Variants in ULK2 observed in about 807,000 individuals in gnomAD.
ULK2 encodes the protein unc-51 like autophagy activating kinase 2.
Under a neutral mutation model 127.5 loss-of-function variants are expected in ULK2, and 76 were observed. That is an observed-to-expected ratio of 0.60 (90% CI 0.50 to 0.72). The LOEUF (loss-of-function observed/expected upper bound fraction) is 0.72, where lower values mean the gene tolerates loss of function less well. Ranked by LOEUF, ULK2 falls within the 30% of genes least tolerant of loss-of-function variation. ULK2 has a pLI of 0.00. For missense variants in ULK2, 1,144 were observed against 1,295.9 expected (o/e 0.88, Z 1.80); for synonymous variants, 452 against 461.9 (o/e 0.98, Z 0.28).
At chr17:19,840,541 T>C in intron 9 of ULK2, 2 of 358,068 alleles carry the variant, frequency 5.6e-6, no homozygotes, top group Non-Finnish European at 5.4e-6. Flanking sequence ...CTATATGTAC[T>C]CCTGCCTAAA....
At chr17:19,792,042 C>T (rs1241502699) in intron 20 of ULK2, among the ~76,000 whole-genome samples, 1 of 151,762 alleles carries the variant, frequency 6.6e-6, no homozygotes, top group Middle Eastern at 3.2e-3. Context: ...ATAATGGAAA[C>T]ACAACATACT....
At chr17:19,846,499 G>A (rs1287636132) in intron 6 of ULK2, among the ~76,000 whole-genome samples, 1 of 151,966 alleles carries the variant, frequency 6.6e-6, no homozygotes, top group East Asian at 1.9e-4. Context: ...ATTTAGCTGG[G>A]CGTAGTGGTG....
intron 12 of ULK2, among the ~76,000 whole-genome samples, chr17:19,823,146 A>G (rs1490009060): frequency 2.2e-4 from 2 of 9,236 alleles, no homozygotes; most frequent in African/African-American, 9.4e-4. Flanking sequence ...TTTTTTTTTT[A>G]GTAGAGATGG....
Position 19,826,174 on chromosome 17 carries a change from C to G in ULK2, c.800G>C (p.Ser267Thr). 1 of 1,472,850 alleles carries G rather than the reference C, an allele frequency of 6.8e-7. No individual in the cohort carries two copies. Among genetic ancestry groups the G allele is most frequent in the Non-Finnish European group, 9.1e-7 (1 of 1,101,766 alleles). The allele number at this position is 1,472,850 out of a possible 1,614,324, so 91.2% of individuals were successfully genotyped here. Reference protein sequence around the residue: ...KDRMDFEAFFSHPFLEQGPVK... With the variant: ...KDRMDFEAFFTHPFLEQGPVK... Reference sequence around the variant, plus strand: ...TGGACCTTGCTCAAGAAAAGGATGGCTAAAAAATGCTTCTGTAACAAGAAA... The same window carrying G: ...TGGACCTTGCTCAAGAAAAGGATGGGTAAAAAATGCTTCTGTAACAAGAAA... Residue 267 changes from serine to threonine, a missense_variant, in exon 11 of 27, where the codon AGC becomes ACC. Physicochemically the swap from Ser to Thr is moderately conservative, Grantham distance 58. Coordinates refer to ENST00000395544, the MANE Select transcript of ULK2 (RefSeq NM_014683.4).
chr17:19,839,521 C>T (rs112487462), intron 9 of ULK2, among the ~76,000 whole-genome samples: 1 of 151,312 alleles, frequency 6.6e-6, no homozygotes, highest in Non-Finnish European at 1.5e-5. Flanking sequence ...AAAAATTGGC[C>T]GGTGTGGTAG....
intron 12 of ULK2, among the ~76,000 whole-genome samples, chr17:19,817,394 TA>T (rs1426105749): frequency 3.3e-5 from 5 of 152,146 alleles, no homozygotes; most frequent in Non-Finnish European, 7.4e-5. Flanking sequence ...GAGACCACAT[TA>T]TGTAAAAAAA....
intron 15 of ULK2, among the ~76,000 whole-genome samples, chr17:19,804,207 A>AC (rs1031474580): frequency 4.1e-5 from 6 of 148,104 alleles, no homozygotes; most frequent in Non-Finnish European, 8.9e-5. Context: ...ATGTAGTGAG[A>AC]CCCCGTCTCT....
intron 19 of ULK2, 92 bp from the exon 20 acceptor site, chr17:19,795,817 A>T: frequency 8.5e-7 from 1 of 1,180,138 alleles, no homozygotes; most frequent in Non-Finnish European, 1.2e-6. Flanking sequence ...GGAAACAAGA[A>T]ATAGATACCA....
intron 13 of ULK2, among the ~76,000 whole-genome samples, chr17:19,815,359 C>T (rs572586911): frequency 6.6e-6 from 1 of 152,198 alleles, no homozygotes; most frequent in Non-Finnish European, 1.5e-5. Flanking sequence ...CTCCCAGGGA[C>T]CCCAGTGCTC....
chr17:19,814,432 AT>A (rs2040922314), intron 13 of ULK2, among the ~76,000 whole-genome samples: 2 of 15,386 alleles, frequency 1.3e-4, no homozygotes, highest in Non-Finnish European at 2.5e-4. Flanking sequence ...ATATATATAT[AT>A]ATATATTTTT....
intron 20 of ULK2, among the ~76,000 whole-genome samples, chr17:19,789,906 C>A (rs2087114043): frequency 7.2e-6 from 1 of 138,870 alleles, no homozygotes. Flanking sequence ...CTAAAAAAAG[C>A]TGCCAAAAAA....
chr17:19,854,501 G>A (rs1010482178), intron 3 of ULK2, among the ~76,000 whole-genome samples: 2 of 151,990 alleles, frequency 1.3e-5, no homozygotes, highest in Non-Finnish European at 2.9e-5. Context: ...AATTCCCTAA[G>A]TCCTAACTCT....
intron 9 of ULK2, among the ~76,000 whole-genome samples, chr17:19,840,750 G>T (rs1413539292): frequency 1.3e-5 from 2 of 151,196 alleles, no homozygotes; most frequent in Non-Finnish European, 2.9e-5. Context: ...TTAGAGGGGC[G>T]TGGTGGTGGG....
At chr17:19,841,638 G>T in intron 8 of ULK2, 91 bp from the exon 9 acceptor site, 1 of 975,006 alleles carries the variant, frequency 1.0e-6, no homozygotes, top group Non-Finnish European at 1.5e-6. Flanking sequence ...TTTTTTAAGG[G>T]ATTGAGGGAG....
In ULK2 at chr17:19,865,827, T is replaced by C. The variant is rs1369806926; in HGVS notation, c.92A>G (p.Lys31Arg). Residue 31 changes from lysine to arginine, a missense_variant and splice_region_variant, in exon 2 of 27, where the codon AAA becomes AGA. Lys to Arg is a conservative substitution (Grantham distance 26, BLOSUM62 2). Around this residue, in one of 2 missense-constraint regions of ULK2, gnomAD observed 231 missense variants for 325.4 expected, o/e 0.71. Coordinates refer to ENST00000395544, the MANE Select transcript of ULK2 (RefSeq NM_014683.4). ...TTTAATAGCTACCTCCCAATCAGTTTTCTGAAAAGGAAAAACAGTGTTACT... is the reference window on the plus strand; with the variant it reads ...TTTAATAGCTACCTCCCAATCAGTTCTCTGAAAAGGAAAAACAGTGTTACT... ...AVVFRGRHRQ[K>R]TDWEVAIKSI... 3 of 1,544,972 alleles carry C rather than the reference T, an allele frequency of 1.9e-6. No homozygotes were observed. The African/African-American group carries it at 4.1e-5, about 21-fold the overall frequency.
intron 1 of ULK2, among the ~76,000 whole-genome samples, chr17:19,866,223 C>T (rs953093269): frequency 1.3e-5 from 2 of 151,978 alleles, no homozygotes; most frequent in African/African-American, 2.4e-5. Flanking sequence ...GGCCGGGAGC[C>T]GTGGCTCACA....
rs1020417807 is a variant in ULK2, at chr17:19,845,512, A to G, written c.470-135T>C. ...AACAGCTTATTGAATTAGACTGTCC[A>G]CCAAAAAAAAAGTAGCTACCTTGAT... On this transcript the variant is annotated intron_variant, in intron 6 of 26. Coordinates refer to ENST00000395544, the MANE Select transcript of ULK2 (RefSeq NM_014683.4). 28 of 617,264 alleles carry G rather than the reference A, an allele frequency of 4.5e-5. No homozygotes were observed. The African/African-American group carries it at 4.7e-4, about 10-fold the overall frequency. 38.2% of individuals were successfully genotyped at this position (617,264 alleles called of 1,614,324 possible).
At chr17:19,847,100 T>C (rs1045966811) in intron 5 of ULK2, among the ~76,000 whole-genome samples, 190 bp from the exon 6 acceptor site, 1 of 152,198 alleles carries the variant, frequency 6.6e-6, no homozygotes, top group Non-Finnish European at 1.5e-5. Flanking sequence ...AAACCTGTAG[T>C]CAATCTGTTG....
chr17:19,834,678 G>A lies in ULK2; in HGVS notation c.787+3823C>T, dbSNP rs368996090. On this transcript the variant is annotated intron_variant, in intron 10 of 26. Transcript: ENST00000395544. ...TATAATTCCAGCACTCTGGGAGGCC[G>A]AGGCAGGATGTGCGCTTGAACCCAG... 4.6e-5 allele frequency among the ~76,000 whole-genome samples: 7 copies of A among 152,174 alleles called. No individual in the cohort carries two copies. In the South Asian group the frequency reaches 1.5e-3, roughly 32 times the overall value.
Sources: allele counts gnomAD v4.1 joint callset (sites outside exome capture counted in the v4.1 genomes callset), GRCh38; gene constraint gnomAD v4.1.1; regional missense constraint gnomAD v4.1.1; transcripts MANE v1.5; gene names NCBI Gene and HGNC (gene_info 2026-07-23, HGNC 2026-07-21).